The following GNL3L variants were observed in gnomAD, a reference collection of about 807,000 sequenced individuals.
GNL3L encodes the protein G protein nucleolar 3 like.
GNL3L carries 4 observed loss-of-function variants against 42.9 expected under a neutral mutation model. That is an observed-to-expected ratio of 0.09 (90% CI 0.05 to 0.21). The LOEUF is 0.21. GNL3L is among the 10% of genes least tolerant of loss of function. The probability of loss-of-function intolerance (pLI) is 1.00; values close to 1 mark genes in which losing one functional copy is unlikely to be tolerated. For synonymous variants in GNL3L, 159 were observed against 176.3 expected (o/e 0.90, Z 0.78); for missense variants, 412 against 481.7 (o/e 0.86, Z 1.36).
intron 15 of GNL3L, among the ~76,000 whole-genome samples, chrX:54,559,526 A>G (rs1925201066): frequency 8.9e-6 from 1 of 111,735 alleles, no homozygotes; most frequent in Non-Finnish European, 1.9e-5. Context: ...GTTTTGCCCT[A>G]TCATTTTTCC....
intron 2 of GNL3L, among the ~76,000 whole-genome samples, chrX:54,534,930 G>A (rs7883212): frequency 0.15 from 17,111 of 110,790 alleles, 2,155 homozygotes; most frequent in African/African-American, 0.42. Context: ...ATTGTTGAGT[G>A]AAATGTCCAG....
At chrX:54,608,317 G>A (rs1569542651) in intron 16 of GNL3L, among the ~76,000 whole-genome samples, 2 of 111,295 alleles carry the variant, frequency 1.8e-5, no homozygotes, top group Non-Finnish European at 3.8e-5. Context: ...TTATTGAGGT[G>A]AAATTCACAT....
intron 16 of GNL3L, among the ~76,000 whole-genome samples, chrX:54,573,662 C>T (rs917694925): frequency 4.5e-5 from 5 of 111,613 alleles, no homozygotes; most frequent in South Asian, 7.5e-4. Flanking sequence ...TTCTTCAACT[C>T]AGACATTGTA....
chrX:54,558,125 G>T (rs1432639043), intron 14 of GNL3L, among the ~76,000 whole-genome samples: 2 of 110,690 alleles, frequency 1.8e-5, no homozygotes, highest in African/African-American at 6.6e-5. Flanking sequence ...TTTGTGATCT[G>T]CCTGTCTCAG....
chrX:54,628,074 C>T, the GNL3L span, among the ~76,000 whole-genome samples: 1 of 110,878 alleles, frequency 9.0e-6, no homozygotes. Context: ...TAGCTTAGCT[C>T]CCAATTTTAA....
rs1206442337 is a variant in GNL3L at position 54,565,735 on chromosome X, C to A, written c.*5133C>A. 9.2e-6 allele frequency among the ~76,000 whole-genome samples: 1 copy of A among 108,283 alleles called. No individual in the cohort carries two copies. Among genetic ancestry groups the A allele is most frequent in the Non-Finnish European group, 1.9e-5 (1 of 52,401 alleles). 94.0% of individuals were successfully genotyped at this position (108,283 alleles called of 115,157 possible). On this transcript the variant is annotated 3_prime_UTR_variant, in exon 16 of 16. Coordinates refer to ENST00000360845, the MANE Select transcript of GNL3L (RefSeq NM_001184819.2). ...ATATGCTTATTTGCTATCTACATAT[C>A]TTCTTTGGCAAGGTGTTCACATCTC...
rs1925383562 is a variant in GNL3L, at chrX:54,564,927, G to T, written c.*4325G>T. 9.4e-6 allele frequency among the ~76,000 whole-genome samples: 1 copy of T among 106,628 alleles called. No homozygotes were observed. The highest frequency in any genetic ancestry group is 3.4e-5 in the African/African-American group (1 of 29,140). 92.6% of individuals were successfully genotyped at this position (106,628 alleles called of 115,157 possible). A position where few individuals can be genotyped will look rare whatever the true frequency, so the allele number is the denominator to read the frequency against. On this transcript the variant is annotated 3_prime_UTR_variant, in exon 16 of 16. Transcript: ENST00000360845. The stretch of plus-strand genomic sequence containing the variant: ...TTTTGTATTTTTAGTAGAGGCGGGG[G>T]TTTCTCCACACTGGCCAGGCTGGTC...
chrX:54,600,453 T>C (rs1925992888), intron 16 of GNL3L, among the ~76,000 whole-genome samples: 1 of 108,932 alleles, frequency 9.2e-6, no homozygotes, highest in African/African-American at 3.3e-5. Context: ...CTTGAACTCC[T>C]GACCTCAGGT....
intron 16 of GNL3L, among the ~76,000 whole-genome samples, chrX:54,609,698 A>G (rs1381135434): frequency 1.8e-5 from 2 of 111,753 alleles, no homozygotes. Flanking sequence ...ATTCTGTTCC[A>G]TTGATCTATG....
chrX:54,634,006 C>G, the GNL3L span, among the ~76,000 whole-genome samples: 5 of 112,493 alleles, frequency 4.4e-5, no homozygotes, highest in African/African-American at 1.6e-4. Context: ...TATCAAGGAT[C>G]GTATGTAATG....
At chrX:54,594,998 T>C (rs772362191) in intron 16 of GNL3L, among the ~76,000 whole-genome samples, 3 of 112,341 alleles carry the variant, frequency 2.7e-5, no homozygotes, top group African/African-American at 9.7e-5. Context: ...GTTCTAGTTA[T>C]TATTTTTGAT....
In GNL3L at chrX:54,559,564, T is replaced by C. The variant is rs371327755; in HGVS notation, c.1666+909T>C. On this transcript the variant is annotated intron_variant, in intron 15 of 15. Coordinates refer to ENST00000360845, the MANE Select transcript of GNL3L (RefSeq NM_001184819.2). ...TCACTATGTCTTAGGGATATGTCTA[T>C]GTTAATACACAAAAGAACTTCTTCC... Among the ~76,000 whole-genome samples the C allele has an allele frequency of 2.0e-4, 22 of 112,177 alleles. No individual in the cohort carries two copies. The East Asian group carries it at 5.3e-3, about 27-fold the overall frequency.
At chrX:54,639,657 G>T in the GNL3L span, among the ~76,000 whole-genome samples, 1 of 111,536 alleles carries the variant, frequency 9.0e-6, no homozygotes, top group Non-Finnish European at 1.9e-5. Flanking sequence ...CTTACAAGTA[G>T]TGTGTCGCCA....
chrX:54,560,528 G>A lies in GNL3L; in HGVS notation c.1675G>A (p.Ala559Thr). The A allele has an allele frequency of 1.7e-6, 2 of 1,162,407 alleles. No individual in the cohort carries two copies. Among genetic ancestry groups the A allele is most frequent in the East Asian group, 3.0e-5 (1 of 33,506 alleles). ...KKMQKRADKIASKLSDSMMSA... is the reference protein window; with the variant it reads ...KKMQKRADKITSKLSDSMMSA... ...TATTTCTCCATTTGCAGATAAAATC[G>A]CCAGCAAGCTGTCTGATTCCATGAT... The change falls in exon 16 of 16, where the codon GCC becomes ACC. Residue 559 changes from alanine (A) to threonine (T), a missense_variant. By Grantham distance (58) the Ala-to-Thr change is moderately conservative. Transcript: ENST00000360845.
chrX:54,562,326 G>A lies in GNL3L; in HGVS notation c.*1724G>A, dbSNP rs1489177952. Among the ~76,000 whole-genome samples the A allele has an allele frequency of 1.8e-5, 2 of 112,276 alleles. No homozygotes were observed. Among genetic ancestry groups the A allele is most frequent in the Non-Finnish European group, 3.8e-5 (2 of 53,223 alleles). Reference sequence around the variant, plus strand: ...CTCCCAAAGTGCTGGGATTATAGGCGTGAGCCACTGTGCCCAGCCTCACAG... The same window carrying A: ...CTCCCAAAGTGCTGGGATTATAGGCATGAGCCACTGTGCCCAGCCTCACAG... On this transcript the variant is annotated 3_prime_UTR_variant, in exon 16 of 16. Coordinates refer to ENST00000360845, the MANE Select transcript of GNL3L (RefSeq NM_001184819.2).
intron 3 of GNL3L, 119 bp from the exon 4 acceptor site, chrX:54,540,016 G>T: frequency 2.0e-6 from 1 of 489,926 alleles, no homozygotes; most frequent in South Asian, 3.0e-5. Flanking sequence ...AGAGGATTGA[G>T]AGATAGAAGG....
At chrX:54,557,372 C>A (rs1433002608) in intron 14 of GNL3L, among the ~76,000 whole-genome samples, 1 of 108,859 alleles carries the variant, frequency 9.2e-6, no homozygotes, top group Non-Finnish European at 1.9e-5. Flanking sequence ...AAGCAATCCC[C>A]CCACCTCAGC....
chrX:54,620,299 C>T (rs1926271782), intron 16 of GNL3L, among the ~76,000 whole-genome samples: 1 of 111,232 alleles, frequency 9.0e-6, no homozygotes, highest in Non-Finnish European at 1.9e-5. Context: ...ATTACCCTTC[C>T]CAGCTTCTGG....
Position 54,576,904 on chromosome X carries a change from C to A in GNL3L, c.*45+16257C>A, listed in dbSNP as rs941436951. ...TTCTTTTTTGTTGTGGTAAAAAATA[C>A]GTAAAGAAAAATTTACCATTTTAAC... is the stretch of plus-strand genomic sequence containing the variant. On this transcript the variant is annotated intron_variant, in intron 16 of 16. Coordinates refer to the GNL3L transcript ENST00000674498. Among the ~76,000 whole-genome samples, 13 of 111,693 alleles carry A rather than the reference C, an allele frequency of 1.2e-4. No homozygotes were observed. In the Admixed American group the frequency reaches 1.2e-3, roughly 11 times the overall value.
Sources: gnomAD v4.1 joint callset for allele counts (sites outside exome capture counted in the v4.1 genomes callset) on GRCh38, gnomAD v4.1.1 for gene constraint, MANE v1.5 for transcripts, NCBI Gene and HGNC (gene_info 2026-07-23, HGNC 2026-07-21) for gene names.